The following SUCLG2 variants were observed in gnomAD, a reference collection of about 807,000 sequenced individuals.
SUCLG2 encodes the protein succinate-CoA ligase GDP-forming subunit beta.
A neutral mutation model predicts 47.9 loss-of-function variants in SUCLG2; 42 were observed. The observed-to-expected ratio is 0.88, with a 90% CI of 0.69 to 1.14. The LOEUF (loss-of-function observed/expected upper bound fraction) is 1.14. Among genes scored for constraint, SUCLG2 ranks in the 50% most tolerant of loss-of-function variants. The pLI, the probability that SUCLG2 is intolerant of heterozygous loss-of-function variation, is 0.00. For synonymous variants in SUCLG2, 195 were observed against 197.3 expected (o/e 0.99, Z 0.10); for missense variants, 571 against 525.9 (o/e 1.09, Z -0.84).
chr3:67,539,550 G>A (rs917553771), intron 2 of SUCLG2, among the ~76,000 whole-genome samples: 1 of 152,162 alleles, frequency 6.6e-6, no homozygotes, highest in African/African-American at 2.4e-5. Flanking sequence ...CCAGGTTTTG[G>A]TATCAGGATG....
At chr3:67,598,128 A>G (rs979698687) in intron 2 of SUCLG2, among the ~76,000 whole-genome samples, 3 of 151,900 alleles carry the variant, frequency 2.0e-5, no homozygotes, top group Non-Finnish European at 4.4e-5. Context: ...CTACAGGCGC[A>G]TGCCGCCATG....
chr3:67,523,243 T>C (rs1399747532), intron 4 of SUCLG2, among the ~76,000 whole-genome samples: 1 of 152,208 alleles, frequency 6.6e-6, no homozygotes, highest in Non-Finnish European at 1.5e-5. Context: ...AAAGCTATAA[T>C]GGAATGAATA....
intron 2 of SUCLG2, among the ~76,000 whole-genome samples, chr3:67,572,833 G>GA (rs147784159): frequency 0.022 from 3,343 of 149,888 alleles, 115 homozygotes; most frequent in African/African-American, 0.077. Flanking sequence ...GGCAAGGAAG[G>GA]AAAAAAAAAG....
At chr3:67,451,787 A>G (rs1704062362) in intron 9 of SUCLG2, among the ~76,000 whole-genome samples, 1 of 152,158 alleles carries the variant, frequency 6.6e-6, no homozygotes, top group Non-Finnish European at 1.5e-5. Flanking sequence ...ACAGCCTTAA[A>G]GTTTGAATGG....
chr3:67,547,748 G>C (rs1706906703), intron 2 of SUCLG2, among the ~76,000 whole-genome samples: 1 of 148,616 alleles, frequency 6.7e-6, no homozygotes, highest in South Asian at 2.1e-4. Flanking sequence ...ACTGACTTGG[G>C]AATGCTACCA....
intron 10 of SUCLG2, among the ~76,000 whole-genome samples, chr3:67,393,761 G>A (rs1702452463): frequency 6.6e-6 from 1 of 152,202 alleles, no homozygotes; most frequent in Non-Finnish European, 1.5e-5. Context: ...CAGCCTAACT[G>A]CGAGGCACCC....
chr3:67,386,978 T>G (rs1490320250), intron 10 of SUCLG2, among the ~76,000 whole-genome samples: 3 of 152,206 alleles, frequency 2.0e-5, no homozygotes, highest in Non-Finnish European at 2.9e-5. Context: ...CTTGCCTCTC[T>G]CTTTGTATCT....
chr3:67,514,570 C>T (rs997472058), intron 6 of SUCLG2, among the ~76,000 whole-genome samples: 4 of 152,274 alleles, frequency 2.6e-5, no homozygotes, highest in South Asian at 2.1e-4. Context: ...GTTGACAATT[C>T]GTGGCACTCA....
At chr3:67,515,510 G>C (rs1705920828) in intron 6 of SUCLG2, among the ~76,000 whole-genome samples, 1 of 151,974 alleles carries the variant, frequency 6.6e-6, no homozygotes, top group South Asian at 2.1e-4. Flanking sequence ...GAGACAACAG[G>C]CATGAGTCAC....
intron 1 of SUCLG2, among the ~76,000 whole-genome samples, chr3:67,629,501 G>A (rs1700890403): frequency 6.6e-6 from 1 of 152,008 alleles, no homozygotes; most frequent in South Asian, 2.1e-4. Flanking sequence ...TGATATGGGG[G>A]AGGGGGGGGC....
At chr3:67,634,845 T>C (rs1473855322) in intron 1 of SUCLG2, among the ~76,000 whole-genome samples, 1 of 152,184 alleles carries the variant, frequency 6.6e-6, no homozygotes, top group East Asian at 1.9e-4. Context: ...TCTAACCACA[T>C]GTTTGAGAAT....
chr3:67,440,362 A>G (rs1703730038), intron 9 of SUCLG2, among the ~76,000 whole-genome samples: 1 of 152,228 alleles, frequency 6.6e-6, no homozygotes, highest in Non-Finnish European at 1.5e-5. Flanking sequence ...AATGGCAACA[A>G]AAGCCAAAAT....
At chr3:67,636,804 C>CTTTT (rs751775962) in intron 1 of SUCLG2, among the ~76,000 whole-genome samples, 2 of 144,414 alleles carry the variant, frequency 1.4e-5, no homozygotes, top group African/African-American at 5.1e-5. Context: ...CTGGCAGTAT[C>CTTTT]TTTTTTTTTT....
At chr3:67,565,212 G>A (rs531632090) in intron 2 of SUCLG2, among the ~76,000 whole-genome samples, 67 of 152,024 alleles carry the variant, frequency 4.4e-4, no homozygotes, top group Non-Finnish European at 8.4e-4. Context: ...TATGTCTAGG[G>A]GAGAAAGGTC....
intron 7 of SUCLG2, among the ~76,000 whole-genome samples, chr3:67,503,836 T>A (rs926722360): frequency 6.6e-6 from 1 of 152,246 alleles, no homozygotes; most frequent in African/African-American, 2.4e-5. Flanking sequence ...TTTGTTGTTT[T>A]GTTTAGTGGC....
intron 10 of SUCLG2, among the ~76,000 whole-genome samples, chr3:67,385,288 T>C (rs1002355035): frequency 2.6e-5 from 4 of 152,164 alleles, no homozygotes; most frequent in African/African-American, 9.7e-5. Context: ...GGAAGCAACT[T>C]CAGGCTCTTG....
At chr3:67,532,472 T>C (rs576730628) in intron 2 of SUCLG2, among the ~76,000 whole-genome samples, 2 of 152,324 alleles carry the variant, frequency 1.3e-5, no homozygotes, top group African/African-American at 2.4e-5. Context: ...AATTATATTA[T>C]TGGACTCTGA....
chr3:67,582,695 GT>G (rs1707911741), intron 2 of SUCLG2, among the ~76,000 whole-genome samples: 1 of 152,148 alleles, frequency 6.6e-6, no homozygotes. Context: ...TCGCCAAACT[GT>G]TTTCCACAAA....
chr3:67,597,307 C>T (rs1024269413), intron 2 of SUCLG2, among the ~76,000 whole-genome samples: 2 of 152,216 alleles, frequency 1.3e-5, no homozygotes, highest in Non-Finnish European at 2.9e-5. Flanking sequence ...ACAAAGCTTA[C>T]AATCATGACC....
Sources: gnomAD v4.1 joint callset for allele counts (sites outside exome capture counted in the v4.1 genomes callset) on GRCh38, gnomAD v4.1.1 for gene constraint, MANE v1.5 for transcripts, NCBI Gene and HGNC (gene_info 2026-07-23, HGNC 2026-07-21) for gene names.